Variants in EPB41L4A observed in about 807,000 individuals in gnomAD.
The protein encoded by EPB41L4A is erythrocyte membrane protein band 4.1 like 4A, also known as band 4.1-like protein 4A.
In EPB41L4A, 100 loss-of-function variants were observed where a neutral mutation model predicts 108.6. That is an observed-to-expected ratio of 0.92 (90% CI 0.78 to 1.09). The LOEUF is 1.09. Among genes scored for constraint, EPB41L4A ranks in the 50% least tolerant of loss-of-function variants. The pLI, the probability that EPB41L4A is intolerant of heterozygous loss-of-function variation, is 0.00. For synonymous variants in EPB41L4A, 319 were observed against 289.0 expected, an observed-to-expected ratio of 1.10 and a Z score of -1.05; for missense variants, 1,030 against 842.7, an observed-to-expected ratio of 1.22 and a Z score of -2.75.
At chr5:112,316,372 C>T (rs889647420) in intron 1 of EPB41L4A, among the ~76,000 whole-genome samples, 2 of 152,322 alleles carry the variant, frequency 1.3e-5, no homozygotes, top group Non-Finnish European at 2.9e-5. Context: ...ACAATACATT[C>T]CTAGTTCTCT....
chr5:112,388,483 G>C (rs144282933), intron 1 of EPB41L4A, among the ~76,000 whole-genome samples: 25 of 152,276 alleles, frequency 1.6e-4, no homozygotes, highest in African/African-American at 5.8e-4. Flanking sequence ...AGAATTTATA[G>C]TTGGTCACTT....
intron 1 of EPB41L4A, among the ~76,000 whole-genome samples, chr5:112,396,081 AC>A (rs1761324757): frequency 6.6e-6 from 1 of 151,874 alleles, no homozygotes; most frequent in Non-Finnish European, 1.5e-5. Flanking sequence ...AGGGAACATC[AC>A]CCACTGGGGC....
At chr5:112,329,013 T>G (rs1300871140) in intron 1 of EPB41L4A, among the ~76,000 whole-genome samples, 3 of 152,156 alleles carry the variant, frequency 2.0e-5, no homozygotes, top group African/African-American at 7.2e-5. Context: ...CAAAGCAACT[T>G]GAACAGTGTG....
At chr5:112,181,489 T>A (rs1455581724) in intron 18 of EPB41L4A, among the ~76,000 whole-genome samples, 1 of 151,766 alleles carries the variant, frequency 6.6e-6, no homozygotes, top group African/African-American at 2.4e-5. Context: ...TTCCCTCTAA[T>A]CCAGCAATTC....
chr5:112,324,646 C>A (rs539121606), intron 1 of EPB41L4A, among the ~76,000 whole-genome samples: 52 of 150,214 alleles, frequency 3.5e-4, no homozygotes, highest in Non-Finnish European at 6.8e-4. Context: ...TCACTTGAAC[C>A]CAGGGGCGGA....
chr5:112,390,421 CACCCACGGAGCCT>C (rs1359595250), intron 1 of EPB41L4A, among the ~76,000 whole-genome samples: 8 of 152,192 alleles, frequency 5.3e-5, no homozygotes, highest in African/African-American at 1.9e-4. Context: ...GTGGGTCTCA[CACCCACGGAGCCT>C]TGCTCACTGC....
intron 1 of EPB41L4A, among the ~76,000 whole-genome samples, chr5:112,332,747 T>C (rs564585112): frequency 6.6e-6 from 1 of 152,344 alleles, no homozygotes; most frequent in Admixed American, 6.5e-5. Context: ...CAACTGAAAA[T>C]ATGCACAGAT....
intron 1 of EPB41L4A, among the ~76,000 whole-genome samples, chr5:112,358,174 T>C (rs1758488691): frequency 6.6e-6 from 1 of 152,220 alleles, no homozygotes; most frequent in South Asian, 2.1e-4. Flanking sequence ...TGGCAGCAGA[T>C]TGATTATATT....
At chr5:112,275,076 A>C (rs1367551195) in intron 4 of EPB41L4A, among the ~76,000 whole-genome samples, 1 of 152,220 alleles carries the variant, frequency 6.6e-6, no homozygotes, top group Non-Finnish European at 1.5e-5. Context: ...TGATACAGAA[A>C]TATTTCATCA....
intron 1 of EPB41L4A, among the ~76,000 whole-genome samples, chr5:112,368,926 C>T (rs553988656): frequency 1.3e-5 from 2 of 152,264 alleles, no homozygotes; most frequent in Non-Finnish European, 2.9e-5. Context: ...CGTCCACTCC[C>T]ACAACCCTCC....
At chr5:112,296,010 T>A (rs1233464296) in intron 2 of EPB41L4A, among the ~76,000 whole-genome samples, 1 of 152,204 alleles carries the variant, frequency 6.6e-6, no homozygotes, top group Non-Finnish European at 1.5e-5. Flanking sequence ...AGTTAACATT[T>A]TTATTTAAAT....
chr5:112,173,989 A>G (rs1760737446), intron 18 of EPB41L4A, among the ~76,000 whole-genome samples: 1 of 152,212 alleles, frequency 6.6e-6, no homozygotes, highest in African/African-American at 2.4e-5. Flanking sequence ...CCTTCTAGCC[A>G]TTAACATTGG....
intron 12 of EPB41L4A, among the ~76,000 whole-genome samples, chr5:112,153,311 G>A (rs567260532): frequency 1.0e-3 from 158 of 152,008 alleles, no homozygotes; most frequent in African/African-American, 3.5e-3. Flanking sequence ...GGATCACGAG[G>A]TCAAGAGATG....
Position 112,264,871 on chromosome 5 carries a change from T to C in EPB41L4A, c.554+25A>G, listed in dbSNP as rs1326542729. The stretch of plus-strand genomic sequence containing the variant: ...AGATGATGACTGATGGATGATGCAA[T>C]AAGACATGGTGTAATGATTCTTACA... On this transcript the variant is annotated intron_variant, in intron 6 of 22. Transcript: ENST00000261486. 2.5e-6 allele frequency: 4 copies of C among 1,598,862 alleles called. No homozygotes were observed. In the South Asian group the frequency reaches 4.6e-5, roughly 18 times the overall value.
intron 1 of EPB41L4A, among the ~76,000 whole-genome samples, chr5:112,333,833 G>C (rs1385420431): frequency 6.6e-6 from 1 of 152,212 alleles, no homozygotes; most frequent in Non-Finnish European, 1.5e-5. Context: ...ACTTGATACT[G>C]TTACCATCAG....
chr5:112,295,575 T>C (rs1414979263), intron 2 of EPB41L4A, among the ~76,000 whole-genome samples: 2 of 152,242 alleles, frequency 1.3e-5, no homozygotes, highest in African/African-American at 4.8e-5. Flanking sequence ...CAAGCTGCTA[T>C]AGTGCATTGC....
intron 2 of EPB41L4A, among the ~76,000 whole-genome samples, chr5:112,287,171 A>C (rs891355883): frequency 2.9e-4 from 44 of 152,208 alleles, no homozygotes; most frequent in African/African-American, 1.0e-3. Flanking sequence ...GCCAGACCAG[A>C]ATTCCCTGTT....
downstream of EPB41L4A, among the ~76,000 whole-genome samples, chr5:112,160,186 AG>A: frequency 6.6e-6 from 1 of 152,264 alleles, no homozygotes; most frequent in East Asian, 1.9e-4. Context: ...CTGGGATTAC[AG>A]GCATGAGCCA....
intron 15 of EPB41L4A, among the ~76,000 whole-genome samples, chr5:112,200,777 T>C (rs1211635894): frequency 5.3e-5 from 8 of 152,190 alleles, no homozygotes; most frequent in Admixed American, 2.6e-4. Context: ...TGAACCTACC[T>C]TTCCCTAAGG....
Sources: gnomAD v4.1 joint callset for allele counts (sites outside exome capture counted in the v4.1 genomes callset) on GRCh38, gnomAD v4.1.1 for gene constraint, MANE v1.5 for transcripts, NCBI Gene and HGNC (gene_info 2026-07-23, HGNC 2026-07-21) for gene names.